Variants in GSAP observed in about 807,000 individuals in gnomAD.
The protein encoded by GSAP is gamma-secretase activating protein.
A neutral mutation model predicts 131.7 loss-of-function variants in GSAP; 118 were observed. The observed-to-expected ratio is 0.90, with a 90% CI of 0.77 to 1.04. The LOEUF (loss-of-function observed/expected upper bound fraction) is 1.04, where lower values mean the gene tolerates loss of function less well. Among genes scored for constraint, GSAP ranks in the 50% least tolerant of loss-of-function variants. The pLI is 0.00. For missense variants in GSAP, 1,019 were observed against 1,013.2 expected (o/e 1.01, Z -0.08); for synonymous variants, 381 against 363.4 (o/e 1.05, Z -0.55).
intron 23 of GSAP, among the ~76,000 whole-genome samples, chr7:77,325,890 C>T (rs1333984431): frequency 1.3e-5 from 2 of 152,142 alleles, no homozygotes; most frequent in South Asian, 4.1e-4. Context: ...GTATTTGAAA[C>T]CCCAAATACA....
At chr7:77,351,560 G>A (rs1792862217) in intron 18 of GSAP, 4 of 985,660 alleles carry the variant, frequency 4.1e-6, no homozygotes, top group Non-Finnish European at 3.6e-6. Flanking sequence ...GAAGTTTAAA[G>A]CAACATGGCA....
Position 77,312,115 on chromosome 7 carries a change from T to C in GSAP, c.2359A>G (p.Asn787Asp). ...SRNHVTRLLQ[N>D]YKKQPRNSMI... ...GAGAAACTCACCTGTTTCTTATAGT[T>C]CTGAAGCAGTCGCGTCACGTGGTTC... Residue 787 changes from asparagine (N) to aspartate (D), a missense_variant, in exon 29 of 31, where the codon AAC (asparagine) becomes GAC (aspartate). Asn to Asp is a conservative substitution (Grantham distance 23, BLOSUM62 1). Coordinates refer to ENST00000257626, the MANE Select transcript of GSAP (RefSeq NM_017439.4). The C allele has an allele frequency of 7.5e-6, 12 of 1,594,712 alleles. No individual in the cohort carries two copies. The highest frequency in any genetic ancestry group is 1.0e-5 in the Non-Finnish European group (12 of 1,169,788).
chr7:77,323,654 G>A lies in GSAP; in HGVS notation c.1916C>T (p.Ser639Leu). 6.4e-7 allele frequency: 1 copy of A among 1,572,084 alleles called. No individual in the cohort carries two copies. Among genetic ancestry groups the A allele is most frequent in the South Asian group, 1.1e-5 (1 of 89,226 alleles). ...ATAAAAAGCAAGACCAACCAGTTTT[G>A]AAATGTAGTCCAGAACCATCTGTTC... The part of the protein sequence containing the change: ...KIEQMVLDYI[S>L]KLLDLICHIV... The change falls in exon 24 of 31, where the codon TCA becomes TTA. Residue 639 changes from serine (S) to leucine (L), a missense_variant. Coordinates refer to ENST00000257626, the MANE Select transcript of GSAP (RefSeq NM_017439.4).
At chr7:77,356,198 T>C (rs183509506) in intron 14 of GSAP, among the ~76,000 whole-genome samples, 107 of 152,330 alleles carry the variant, frequency 7.0e-4, no homozygotes, top group African/African-American at 2.4e-3. Flanking sequence ...GTAAACCTCA[T>C]TTATTTCCAT....
chr7:77,386,602 C>T (rs1798603313), intron 6 of GSAP, among the ~76,000 whole-genome samples: 1 of 152,216 alleles, frequency 6.6e-6, no homozygotes, highest in South Asian at 2.1e-4. Flanking sequence ...CATGTTTTCT[C>T]CCTAAGGCAT....
intron 12 of GSAP, among the ~76,000 whole-genome samples, chr7:77,372,833 C>T (rs1299210184): frequency 6.6e-6 from 1 of 152,218 alleles, no homozygotes; most frequent in African/African-American, 2.4e-5. Flanking sequence ...CTGGCCCCTG[C>T]CTGCCTCTCC....
chr7:77,325,227 AAACT>A (rs1163318709), intron 23 of GSAP, among the ~76,000 whole-genome samples: 2 of 152,180 alleles, frequency 1.3e-5, no homozygotes, highest in Admixed American at 1.3e-4. Flanking sequence ...TGGCATATCT[AAACT>A]AACCTCTCCT....
intron 22 of GSAP, 184 bp from the exon 23 acceptor site, chr7:77,326,457 CAG>C (rs1250552840): frequency 1.0e-5 from 5 of 496,162 alleles, no homozygotes; most frequent in Non-Finnish European, 1.4e-5. Flanking sequence ...CTGTGTGAAA[CAG>C]GGAATGACCG....
At chr7:77,337,301 T>TGGGGGGGGGGGGGGGGGGGG (rs34134192) in intron 19 of GSAP, among the ~76,000 whole-genome samples, 3 of 65,678 alleles carry the variant, frequency 4.6e-5, no homozygotes, top group Admixed American at 1.7e-4. Flanking sequence ...GGGGGTGGGG[T>TGGGGGGGGGGGGGGGGGGGG]GGGGGGGGGG....
Position 77,362,787 on chromosome 7 carries a change from C to T in GSAP, c.872-127G>A, listed in dbSNP as rs1794736079. On this transcript the variant is annotated intron_variant, in intron 12 of 30. Coordinates refer to ENST00000257626, the MANE Select transcript of GSAP (RefSeq NM_017439.4). ...CTCATCTTACCTCATAGATTATTCC[C>T]AAGTCCTAGAAGTGGTCTATTAACA... 5 of 629,230 alleles carry T rather than the reference C, an allele frequency of 7.9e-6. No individual in the cohort carries two copies. In the East Asian group the frequency reaches 8.2e-5, roughly 10 times the overall value. The allele number at this position is 629,230 out of a possible 1,614,324, so 39.0% of individuals were successfully genotyped here.
At chr7:77,411,166 T>G (rs1434063802) in intron 1 of GSAP, among the ~76,000 whole-genome samples, 1 of 147,722 alleles carries the variant, frequency 6.8e-6, no homozygotes, top group Non-Finnish European at 1.5e-5. Context: ...CAAATCAATC[T>G]AGGAATACAT....
chr7:77,313,604 G>C, intron 27 of GSAP, 55 bp from the exon 28 acceptor site: 1 of 833,316 alleles, frequency 1.2e-6, no homozygotes, highest in South Asian at 1.5e-5. Flanking sequence ...TGATACTTTA[G>C]CAAGTTAATA....
At chr7:77,374,402 T>C (rs1331720593) in intron 11 of GSAP, among the ~76,000 whole-genome samples, 1 of 152,202 alleles carries the variant, frequency 6.6e-6, no homozygotes, top group Non-Finnish European at 1.5e-5. Flanking sequence ...ACTTTTCTGA[T>C]ATAGAGTAAT....
At chr7:77,389,871 A>G (rs1258275445) in intron 5 of GSAP, among the ~76,000 whole-genome samples, 1 of 152,186 alleles carries the variant, frequency 6.6e-6, no homozygotes, top group African/African-American at 2.4e-5. Flanking sequence ...TGTCTTCCAC[A>G]ATGGTTGAAC....
intron 19 of GSAP, among the ~76,000 whole-genome samples, chr7:77,341,868 G>C (rs1225892147): frequency 6.6e-6 from 1 of 152,182 alleles, no homozygotes; most frequent in South Asian, 2.1e-4. Context: ...CCTCCACCGT[G>C]AGAGAAACCC....
At position 77,312,147 on chromosome 7, in the gene GSAP, A is replaced by G; in HGVS notation, c.2327T>C (p.Ile776Thr). Residue 776 changes from isoleucine to threonine, a missense_variant, in exon 29 of 31, where the codon ATT becomes ACT. By Grantham distance (89) the Ile-to-Thr change is moderately conservative. Transcript: ENST00000257626. ...LWDHPMSSNI[I>T]SRNHVTRLLQ... ...CAGTCGCGTCACGTGGTTCCGCGAAATGATGTTAGAACTCATAGGATGATC... is the reference window on the plus strand; with the variant it reads ...CAGTCGCGTCACGTGGTTCCGCGAAGTGATGTTAGAACTCATAGGATGATC... 6.2e-7 allele frequency: 1 copy of G among 1,605,412 alleles called. No individual in the cohort carries two copies. The highest frequency in any genetic ancestry group is 8.5e-7 in the Non-Finnish European group (1 of 1,176,942).
chr7:77,392,760 G>A (rs1799787584), intron 5 of GSAP, among the ~76,000 whole-genome samples: 1 of 152,172 alleles, frequency 6.6e-6, no homozygotes, highest in Non-Finnish European at 1.5e-5. Context: ...ATATGGCCTG[G>A]TTCTGAAGGA....
Position 77,312,088 on chromosome 7 carries a change from C to A in GSAP, c.2373+13G>T. 1 of 1,537,090 alleles carries A rather than the reference C, an allele frequency of 6.5e-7. No homozygotes were observed. The highest frequency in any genetic ancestry group is 1.2e-5 in the South Asian group (1 of 85,820). ...AAAAACATTTAGTTGGCTGTGCTTT[C>A]AGAGAAACTCACCTGTTTCTTATAG... is the stretch of plus-strand genomic sequence containing the variant. On this transcript the variant is annotated intron_variant, in intron 29 of 30. Transcript: ENST00000257626.
chr7:77,362,497 C>G, intron 13 of GSAP, 86 bp downstream of exon 13: 1 of 723,900 alleles, frequency 1.4e-6, no homozygotes, highest in South Asian at 1.7e-5. Context: ...CAAAAAATTA[C>G]TAATAACACT....
Sources: allele counts gnomAD v4.1 joint callset (sites outside exome capture counted in the v4.1 genomes callset), GRCh38; gene constraint gnomAD v4.1.1; transcripts MANE v1.5; gene names NCBI Gene and HGNC (gene_info 2026-07-23, HGNC 2026-07-21).